The following LIMD1 variants were observed in gnomAD, a reference collection of about 807,000 sequenced individuals.
The protein encoded by LIMD1 is LIM domain-containing protein 1.
Under a neutral mutation model 58.4 loss-of-function variants are expected in LIMD1, and 23 were observed. The observed-to-expected ratio is 0.39, with a 90% CI of 0.28 to 0.56. LIMD1 has a LOEUF of 0.56. Among genes scored for constraint, LIMD1 ranks in the 20% least tolerant of loss-of-function variants. LIMD1 has a pLI of 0.57. For missense variants in LIMD1, 838 were observed against 855.5 expected (o/e 0.98, Z 0.25); for synonymous variants, 334 against 345.5 (o/e 0.97, Z 0.37).
chr3:45,645,004 CA>C (rs1302106047), intron 2 of LIMD1, among the ~76,000 whole-genome samples: 4 of 152,166 alleles, frequency 2.6e-5, no homozygotes, highest in African/African-American at 9.7e-5. Context: ...TCATATTCAG[CA>C]GTTCTGTATG....
intron 1 of LIMD1, among the ~76,000 whole-genome samples, chr3:45,609,331 A>G (rs1027280450): frequency 6.6e-6 from 1 of 152,188 alleles, no homozygotes; most frequent in Non-Finnish European, 1.5e-5. Flanking sequence ...CGGTTAAGGG[A>G]ATTTCAGTCG....
chr3:45,636,941 C>T (rs750657786), intron 2 of LIMD1, among the ~76,000 whole-genome samples: 3 of 152,216 alleles, frequency 2.0e-5, no homozygotes, highest in Non-Finnish European at 4.4e-5. Context: ...TGCTTGTTTT[C>T]TGTCTCTATC....
chr3:45,608,493 C>T (rs554583062), intron 1 of LIMD1, among the ~76,000 whole-genome samples: 11 of 152,092 alleles, frequency 7.2e-5, no homozygotes, highest in Non-Finnish European at 1.0e-4. Context: ...GTGTGAAAAA[C>T]GTGTACAATG....
chr3:45,656,126 C>CTGTA (rs1284183038), intron 2 of LIMD1, among the ~76,000 whole-genome samples: 4 of 152,204 alleles, frequency 2.6e-5, no homozygotes, highest in Non-Finnish European at 5.9e-5. Flanking sequence ...AGACAGCCAT[C>CTGTA]TGTAAATCAG....
intron 1 of LIMD1, among the ~76,000 whole-genome samples, chr3:45,615,762 A>AG (rs890927618): frequency 2.0e-5 from 3 of 151,980 alleles, no homozygotes; most frequent in Non-Finnish European, 2.9e-5. Context: ...CAAAAAAAAA[A>AG]AAAAGTAATT....
At chr3:45,676,359 G>T (rs1291196480) in intron 7 of LIMD1, among the ~76,000 whole-genome samples, 1 of 151,262 alleles carries the variant, frequency 6.6e-6, no homozygotes, top group African/African-American at 2.4e-5. Context: ...AAAAAAAAAG[G>T]GATACGTGTG....
intron 1 of LIMD1, among the ~76,000 whole-genome samples, chr3:45,603,315 T>A (rs954035213): frequency 2.8e-4 from 43 of 152,174 alleles, no homozygotes; most frequent in African/African-American, 9.7e-4. Flanking sequence ...GAGGTCTGTC[T>A]GTGTTCCCCA....
intron 1 of LIMD1, chr3:45,612,920 C>T (rs1483211533): frequency 1.3e-5 from 2 of 152,180 alleles, no homozygotes; most frequent in Admixed American, 1.3e-4. Flanking sequence ...AAGTTTGAGT[C>T]CCCTGACGCC....
At chr3:45,675,909 G>A (rs193209905) in intron 7 of LIMD1, among the ~76,000 whole-genome samples, 8 of 152,092 alleles carry the variant, frequency 5.3e-5, no homozygotes, top group East Asian at 3.9e-4. Flanking sequence ...AGCTAGGATC[G>A]TGTCACTGCA....
At chr3:45,656,589 C>T (rs1461098125) in intron 2 of LIMD1, among the ~76,000 whole-genome samples, 2 of 151,834 alleles carry the variant, frequency 1.3e-5, no homozygotes, top group Admixed American at 1.3e-4. Flanking sequence ...GCAATCTCGG[C>T]TCACTGCAAC....
At chr3:45,643,259 T>C (rs1185339538) in intron 2 of LIMD1, among the ~76,000 whole-genome samples, 1 of 151,386 alleles carries the variant, frequency 6.6e-6, no homozygotes, top group Non-Finnish European at 1.5e-5. Context: ...TTGAGGCGGG[T>C]AGATCACTTG....
intron 1 of LIMD1, among the ~76,000 whole-genome samples, chr3:45,625,533 T>C (rs539454246): frequency 3.6e-4 from 55 of 152,222 alleles, no homozygotes; most frequent in African/African-American, 1.1e-3. Context: ...GTTTGTGGGA[T>C]CCTTTGGGGT....
chr3:45,625,285 C>T (rs1312118583), intron 1 of LIMD1, among the ~76,000 whole-genome samples: 1 of 152,048 alleles, frequency 6.6e-6, no homozygotes, highest in East Asian at 2.0e-4. Flanking sequence ...TTAGGTCAGC[C>T]TGATTTTTAT....
intron 2 of LIMD1, 66 bp downstream of exon 2, chr3:45,636,317 A>T: frequency 8.3e-7 from 1 of 1,198,686 alleles, no homozygotes; most frequent in Non-Finnish European, 1.2e-6. Flanking sequence ...CGAGAAAGGG[A>T]GGAGAGAGAT....
chr3:45,673,850 A>G, intron 6 of LIMD1: 1 of 306,512 alleles, frequency 3.3e-6, no homozygotes. Flanking sequence ...TGATGGTGCT[A>G]CTGCATTCCA....
At chr3:45,628,871 T>A (rs1485600230) in intron 1 of LIMD1, among the ~76,000 whole-genome samples, 1 of 152,218 alleles carries the variant, frequency 6.6e-6, no homozygotes, top group Non-Finnish European at 1.5e-5. Context: ...TGCGTGAATC[T>A]CAATTTATAT....
chr3:45,623,694 T>C (rs1701646337), intron 1 of LIMD1, among the ~76,000 whole-genome samples: 1 of 152,082 alleles, frequency 6.6e-6, no homozygotes, highest in Non-Finnish European at 1.5e-5. Flanking sequence ...CCCATTGACG[T>C]GAGAGCTGCA....
At chr3:45,660,182 C>T (rs1454303642) in intron 2 of LIMD1, among the ~76,000 whole-genome samples, 1 of 152,146 alleles carries the variant, frequency 6.6e-6, no homozygotes, top group East Asian at 1.9e-4. Flanking sequence ...TCTGGAAGTC[C>T]TGCGCCGTTT....
intron 7 of LIMD1, among the ~76,000 whole-genome samples, chr3:45,676,532 T>A (rs1469045113): frequency 6.6e-6 from 1 of 152,196 alleles, no homozygotes; most frequent in Non-Finnish European, 1.5e-5. Context: ...CAACTCCCAC[T>A]TATGAGTGAG....
Sources: allele counts gnomAD v4.1 joint callset (sites outside exome capture counted in the v4.1 genomes callset), GRCh38; gene constraint gnomAD v4.1.1; transcripts MANE v1.5; gene names NCBI Gene and HGNC (gene_info 2026-07-23, HGNC 2026-07-21).